Variants in EPHX2 observed in about 807,000 individuals in gnomAD.
EPHX2 encodes the protein bifunctional epoxide hydrolase 2.
EPHX2 carries 74 observed loss-of-function variants against 78.7 expected under a neutral mutation model. The ratio of observed to expected loss-of-function variants is 0.94; its 90% CI spans 0.78 to 1.14. The LOEUF (loss-of-function observed/expected upper bound fraction) is 1.14, where lower values mean the gene tolerates loss of function less well. Ranked by LOEUF, EPHX2 falls within the 50% of genes most tolerant of loss-of-function variation. EPHX2 has a pLI of 0.00. For synonymous variants in EPHX2, 251 were observed against 255.2 expected, an observed-to-expected ratio of 0.98 and a Z score of 0.16; for missense variants, 715 against 702.5, an observed-to-expected ratio of 1.02 and a Z score of -0.20.
chr8:27,492,077 C>T (rs780614432), intron 1 of EPHX2, among the ~76,000 whole-genome samples: 1 of 151,926 alleles, frequency 6.6e-6, no homozygotes. Flanking sequence ...AGCCATTGTT[C>T]ATATCCTCCT....
At position 27,491,150 on chromosome 8, in the gene EPHX2, C is replaced by A. The variant is rs371664562; in HGVS notation, c.-59C>A. The A allele has an allele frequency of 5.6e-5, 83 of 1,495,250 alleles. No individual in the cohort carries two copies. In the African/African-American group the frequency reaches 1.0e-3, roughly 18 times the overall value. 92.6% of individuals were successfully genotyped at this position (1,495,250 alleles called of 1,614,324 possible). Reference sequence around the variant, plus strand: ...AAGCTGGGCGGGTCATGCGCCCTGGCCTTCGCGCATCTCCCAGGTTAGCTG... The same window carrying A: ...AAGCTGGGCGGGTCATGCGCCCTGGACTTCGCGCATCTCCCAGGTTAGCTG... On this transcript the variant is annotated 5_prime_UTR_variant, in exon 1 of 19. Coordinates refer to ENST00000521400, the MANE Select transcript of EPHX2 (RefSeq NM_001979.6).
intron 6 of EPHX2, chr8:27,515,377 A>G (rs957945569): frequency 6.8e-6 from 2 of 292,554 alleles, no homozygotes; most frequent in Non-Finnish European, 1.3e-5. Context: ...CCTGTTTAAT[A>G]TACTGAAAAC....
downstream of EPHX2, among the ~76,000 whole-genome samples, chr8:27,546,168 T>C (rs1250107244): frequency 1.3e-5 from 2 of 151,532 alleles, no homozygotes; most frequent in African/African-American, 2.4e-5. Context: ...TTTCTAAATC[T>C]GGAGCCAGAC....
intron 11 of EPHX2, 50 bp downstream of exon 11, chr8:27,522,558 C>A: frequency 6.3e-7 from 1 of 1,575,052 alleles, no homozygotes. Context: ...GACTTGAACT[C>A]CTGTGAGAAT....
chr8:27,531,033 G>A (rs1342659788), intron 12 of EPHX2, among the ~76,000 whole-genome samples: 1 of 152,172 alleles, frequency 6.6e-6, no homozygotes, highest in Non-Finnish European at 1.5e-5. Flanking sequence ...AAAGCGCTGG[G>A]ATTACAGGCA....
Position 27,516,191 on chromosome 8 carries a change from T to A in EPHX2, c.832-129T>A, listed in dbSNP as rs531749865. On this transcript the variant is annotated intron_variant, in intron 7 of 18. Coordinates refer to ENST00000521400, the MANE Select transcript of EPHX2 (RefSeq NM_001979.6). ...GGCTTATTTCAGCTCCATGGCAAAGTTACCGGGTAGTGCCCTGTGGCTCTT... is the reference window on the plus strand; with the variant it reads ...GGCTTATTTCAGCTCCATGGCAAAGATACCGGGTAGTGCCCTGTGGCTCTT... 24 of 943,362 alleles carry A rather than the reference T, an allele frequency of 2.5e-5. 1 individual carries two copies. In the South Asian group the frequency reaches 3.7e-4, roughly 14 times the overall value. 58.4% of individuals were successfully genotyped at this position (943,362 alleles called of 1,614,324 possible). A position where few individuals can be genotyped will look rare whatever the true frequency, so the allele number is the denominator to read the frequency against.
At chr8:27,540,764 G>A (rs1215544235) in intron 15 of EPHX2, 108 bp downstream of exon 15, 23 of 1,012,498 alleles carry the variant, frequency 2.3e-5, no homozygotes, top group East Asian at 1.2e-4. Flanking sequence ...CACAGCCCTC[G>A]TTAGTGCCAG....
chr8:27,520,246 A>T (rs566938852), intron 9 of EPHX2, among the ~76,000 whole-genome samples: 1 of 149,278 alleles, frequency 6.7e-6, no homozygotes, highest in East Asian at 2.0e-4. Flanking sequence ...GCTCACTGCA[A>T]CCTCCGCCTC....
At chr8:27,523,216 C>T (rs1814712468) in intron 11 of EPHX2, among the ~76,000 whole-genome samples, 1 of 152,156 alleles carries the variant, frequency 6.6e-6, no homozygotes, top group Admixed American at 6.5e-5. Flanking sequence ...GCTTCTTAGG[C>T]TTTGGCATTC....
At chr8:27,502,055 A>G (rs544052323) in intron 2 of EPHX2, among the ~76,000 whole-genome samples, 1 of 152,358 alleles carries the variant, frequency 6.6e-6, no homozygotes, top group South Asian at 2.1e-4. Flanking sequence ...AGATCAAGAA[A>G]TAAAACATTC....
Position 27,545,221 on chromosome 8 carries a change from A to C in EPHX2, c.*699A>C, listed in dbSNP as rs2132812688. The C allele has an allele frequency of 6.6e-6, 1 of 152,352 alleles. No individual in the cohort carries two copies. The highest frequency in any genetic ancestry group is 2.4e-5 in the African/African-American group (1 of 41,562). The allele number at this position is 152,352 out of a possible 1,614,324, so 9.4% of individuals were successfully genotyped here. A position where few individuals can be genotyped will look rare whatever the true frequency, so the allele number is the denominator to read the frequency against. On this transcript the variant is annotated 3_prime_UTR_variant, in exon 19 of 19. Coordinates refer to ENST00000521400, the MANE Select transcript of EPHX2 (RefSeq NM_001979.6). ...TGAAATGTGCTAGTGAGGCTGAGGA[A>C]GAGAATTTTAAATTTCATTGAATTG... is the stretch of plus-strand genomic sequence containing the variant.
chr8:27,534,901 G>A (rs1408407644), intron 12 of EPHX2, among the ~76,000 whole-genome samples: 1 of 152,202 alleles, frequency 6.6e-6, no homozygotes, highest in Non-Finnish European at 1.5e-5. Flanking sequence ...GGAACCTCAT[G>A]GAGAAGGCAG....
At position 27,528,592 on chromosome 8, in the gene EPHX2, A is replaced by G. The variant is rs187868788; in HGVS notation, c.1170+3119A>G. Reference sequence around the variant, plus strand: ...CAGGTCAGCAAATAAAGCCAATAACATGGAGAACAGCTCTTGGATGTATAG... The same window carrying G: ...CAGGTCAGCAAATAAAGCCAATAACGTGGAGAACAGCTCTTGGATGTATAG... On this transcript the variant is annotated intron_variant, in intron 12 of 18. Coordinates refer to ENST00000521400, the MANE Select transcript of EPHX2 (RefSeq NM_001979.6). Among the ~76,000 whole-genome samples the G allele has an allele frequency of 5.3e-5, 8 of 152,322 alleles. No homozygotes were observed. The East Asian group carries it at 1.5e-3, about 29-fold the overall frequency.
chr8:27,505,176 G>A, intron 4 of EPHX2, 30 bp downstream of exon 4: 1 of 1,610,688 alleles, frequency 6.2e-7, no homozygotes. Context: ...TGGCAGAGAA[G>A]GATGTTCAGA....
At chr8:27,541,363 G>GCTT in intron 15 of EPHX2, 110 bp from the exon 16 acceptor site, 1 of 1,150,902 alleles carries the variant, frequency 8.7e-7, no homozygotes, top group Non-Finnish European at 1.3e-6. Context: ...CCTGCAGGAG[G>GCTT]CTTTGCTCTT....
downstream of EPHX2, among the ~76,000 whole-genome samples, chr8:27,547,356 T>A (rs73679230): frequency 9.2e-3 from 1,398 of 152,360 alleles, 20 homozygotes; most frequent in African/African-American, 0.026. Context: ...GATTTTCAGA[T>A]GCCATTTTAA....
chr8:27,516,769 C>T (rs552148667), intron 8 of EPHX2, among the ~76,000 whole-genome samples: 8 of 152,312 alleles, frequency 5.3e-5, no homozygotes, highest in Admixed American at 4.6e-4. Flanking sequence ...AACTTCCATT[C>T]TACTTTCTGT....
At chr8:27,511,023 G>A (rs1814220144) in intron 5 of EPHX2, among the ~76,000 whole-genome samples, 1 of 152,180 alleles carries the variant, frequency 6.6e-6, no homozygotes, top group Admixed American at 6.5e-5. Context: ...GAAAGACCAT[G>A]TGAAGACACT....
chr8:27,494,989 G>T (rs1022089074), intron 1 of EPHX2, among the ~76,000 whole-genome samples: 4 of 152,222 alleles, frequency 2.6e-5, no homozygotes, highest in Non-Finnish European at 4.4e-5. Flanking sequence ...CTAATGGGAG[G>T]TTCCACCTGG....
Sources: allele counts gnomAD v4.1 joint callset (sites outside exome capture counted in the v4.1 genomes callset), GRCh38; gene constraint gnomAD v4.1.1; transcripts MANE v1.5; gene names NCBI Gene and HGNC (gene_info 2026-07-23, HGNC 2026-07-21).